The following DPH6 variants were observed in gnomAD, a reference collection of about 807,000 sequenced individuals.
DPH6 encodes diphthine--ammonia ligase.
Under a neutral mutation model 38.2 loss-of-function variants are expected in DPH6, and 33 were observed. The ratio of observed to expected loss-of-function variants is 0.86; its 90% CI spans 0.65 to 1.15. DPH6 has a LOEUF of 1.15. Ranked by LOEUF, DPH6 falls within the 50% of genes most tolerant of loss-of-function variation. The pLI is 0.00. For missense variants in DPH6, 325 were observed against 320.0 expected, an observed-to-expected ratio of 1.02 and a Z score of -0.12; for synonymous variants, 108 against 103.0, an observed-to-expected ratio of 1.05 and a Z score of -0.30.
intron 3 of DPH6, among the ~76,000 whole-genome samples, chr15:35,501,970 A>G (rs1046640855): frequency 6.6e-5 from 10 of 152,162 alleles, no homozygotes; most frequent in Non-Finnish European, 1.5e-4. Context: ...TAGCAACTTG[A>G]CTTAAATCTC....
At chr15:35,521,693 A>G in intron 3 of DPH6, 1 of 1,231,270 alleles carries the variant, frequency 8.1e-7, no homozygotes, top group East Asian at 3.2e-5. Flanking sequence ...GAAGAAGAGC[A>G]GCATATTAAA....
intron 3 of DPH6, among the ~76,000 whole-genome samples, chr15:35,486,990 G>T (rs1464724719): frequency 6.6e-6 from 1 of 152,192 alleles, no homozygotes; most frequent in African/African-American, 2.4e-5. Context: ...AAACCCGGCA[G>T]GGCAGCCATT....
At chr15:35,433,330 T>C (rs958991658) in intron 5 of DPH6, among the ~76,000 whole-genome samples, 1 of 152,150 alleles carries the variant, frequency 6.6e-6, no homozygotes, top group African/African-American at 2.4e-5. Context: ...TTTGTTAGAA[T>C]AAACAAAAAC....
intron 3 of DPH6, among the ~76,000 whole-genome samples, chr15:35,532,328 C>T (rs1382455394): frequency 6.6e-6 from 1 of 152,140 alleles, no homozygotes; most frequent in Non-Finnish European, 1.5e-5. Context: ...GTGGATGGAG[C>T]ATAGGGCAAT....
chr15:35,257,772 T>TTGTGTGTGTGTGTGTGTGTGTG (rs60955022), intron 3 of DPH6, among the ~76,000 whole-genome samples: 3 of 148,658 alleles, frequency 2.0e-5, no homozygotes, highest in East Asian at 2.0e-4. Flanking sequence ...GGTCTCAGCT[T>TTGTGTGTGTGTGTGTGTGTGTG]TGTGTGTGTG....
intron 3 of DPH6, among the ~76,000 whole-genome samples, chr15:35,258,908 G>A (rs2051725284): frequency 6.6e-6 from 1 of 152,018 alleles, no homozygotes; most frequent in African/African-American, 2.4e-5. Flanking sequence ...CAGCACTTTG[G>A]GCGGCCAAGA....
intron 6 of DPH6, among the ~76,000 whole-genome samples, chr15:35,382,870 C>T (rs942488846): frequency 8.6e-5 from 13 of 151,786 alleles, no homozygotes; most frequent in Admixed American, 2.6e-4. Context: ...AAAAACCAAG[C>T]AGCAAAACAC....
At chr15:35,374,440 G>A (rs528085985) in intron 7 of DPH6, among the ~76,000 whole-genome samples, 18 of 151,854 alleles carry the variant, frequency 1.2e-4, no homozygotes, top group Non-Finnish European at 2.4e-4. Context: ...ACATTTTGTC[G>A]CTAATGTAAA....
the DPH6 span, among the ~76,000 whole-genome samples, chr15:35,154,627 C>G: frequency 6.6e-6 from 1 of 152,150 alleles, no homozygotes; most frequent in Non-Finnish European, 1.5e-5. Context: ...CAAATGTGAA[C>G]CCAGTATGAA....
chr15:35,457,426 T>C (rs1379012018), intron 3 of DPH6, among the ~76,000 whole-genome samples: 1 of 152,102 alleles, frequency 6.6e-6, no homozygotes, highest in African/African-American at 2.4e-5. Context: ...CCTGAGGAGC[T>C]GGGATTACAG....
intron 6 of DPH6, among the ~76,000 whole-genome samples, chr15:35,387,184 C>CTGT (rs2052975413): frequency 6.6e-6 from 1 of 152,102 alleles, no homozygotes; most frequent in Non-Finnish European, 1.5e-5. Flanking sequence ...GGTCTCTGTT[C>CTGT]TGTTCCATTG....
chr15:35,363,116 C>T (rs1036849985), intron 3 of DPH6, among the ~76,000 whole-genome samples: 1 of 151,998 alleles, frequency 6.6e-6, no homozygotes. Flanking sequence ...GTGTACTGCA[C>T]TTGTTGGGCA....
At chr15:35,145,714 A>C in the DPH6 span, among the ~76,000 whole-genome samples, 1 of 152,192 alleles carries the variant, frequency 6.6e-6, no homozygotes, top group African/African-American at 2.4e-5. Flanking sequence ...CACAGAGATG[A>C]AAACAGCTTC....
intron 3 of DPH6, among the ~76,000 whole-genome samples, chr15:35,498,388 A>G (rs532275255): frequency 1.3e-5 from 2 of 152,270 alleles, no homozygotes; most frequent in South Asian, 4.2e-4. Context: ...TTAAAAATTA[A>G]ATCACTTCTT....
At chr15:35,343,983 T>A (rs971282122) in intron 3 of DPH6, among the ~76,000 whole-genome samples, 5 of 152,176 alleles carry the variant, frequency 3.3e-5, no homozygotes, top group Non-Finnish European at 4.4e-5. Context: ...CTAAACTGAT[T>A]GATCTAGGTT....
chr15:35,351,494 T>C (rs1274622545), intron 3 of DPH6, among the ~76,000 whole-genome samples: 3 of 152,162 alleles, frequency 2.0e-5, no homozygotes, highest in African/African-American at 7.2e-5. Flanking sequence ...CTTCTTCTCA[T>C]GTTGACTTGT....
chr15:35,514,051 T>C (rs2054812758), intron 3 of DPH6, among the ~76,000 whole-genome samples: 1 of 152,078 alleles, frequency 6.6e-6, no homozygotes, highest in East Asian at 1.9e-4. Context: ...TCACACTAAA[T>C]TTGTTATATA....
At chr15:35,198,173 A>G in the DPH6 span, among the ~76,000 whole-genome samples, 1 of 140,214 alleles carries the variant, frequency 7.1e-6, no homozygotes, top group Admixed American at 7.3e-5. Context: ...AATAAAAACA[A>G]AACTTTTATA....
At chr15:35,318,917 C>G (rs956761370) in intron 3 of DPH6, among the ~76,000 whole-genome samples, 1 of 152,078 alleles carries the variant, frequency 6.6e-6, no homozygotes, top group Non-Finnish European at 1.5e-5. Flanking sequence ...AATATACACA[C>G]AAGATCACGA....
Sources: allele counts gnomAD v4.1 joint callset (sites outside exome capture counted in the v4.1 genomes callset), GRCh38; gene constraint gnomAD v4.1.1; transcripts MANE v1.5; gene names NCBI Gene and HGNC (gene_info 2026-07-23, HGNC 2026-07-21).